The following AGMO variants were observed in gnomAD, a reference collection of about 807,000 sequenced individuals.
The protein encoded by AGMO is glyceryl-ether monooxygenase.
A neutral mutation model predicts 60.2 loss-of-function variants in AGMO; 75 were observed. The observed-to-expected ratio is 1.25, with a 90% CI of 1.03 to 1.51. The LOEUF is 1.51. AGMO is among the 40% of genes most tolerant of loss of function. AGMO has a pLI of 0.00. For missense variants in AGMO, 763 were observed against 525.5 expected, an observed-to-expected ratio of 1.45 and a Z score of -4.42; for synonymous variants, 261 against 177.1, an observed-to-expected ratio of 1.47 and a Z score of -3.76.
At chr7:15,194,495 G>T in the AGMO span, among the ~76,000 whole-genome samples, 1 of 152,054 alleles carries the variant, frequency 6.6e-6, no homozygotes. Context: ...TCCCCTTTGA[G>T]CATGAATATC....
intron 12 of AGMO, among the ~76,000 whole-genome samples, chr7:15,327,159 T>C (rs1351280551): frequency 6.6e-6 from 1 of 152,176 alleles, no homozygotes; most frequent in Non-Finnish European, 1.5e-5. Context: ...ACAGGCATCA[T>C]AACCTGGCTC....
At chr7:15,354,966 C>T (rs10264872) in intron 12 of AGMO, among the ~76,000 whole-genome samples, 147,945 of 152,156 alleles carry the variant, frequency 0.97, 71,951 homozygotes, top group East Asian at 1. Flanking sequence ...GATGAAGTGG[C>T]TTATGCTCAC....
intron 3 of AGMO, among the ~76,000 whole-genome samples, chr7:15,509,707 C>A (rs530953478): frequency 8.1e-4 from 123 of 152,192 alleles, no homozygotes; most frequent in Non-Finnish European, 1.3e-3. Flanking sequence ...AGAAACTACT[C>A]ATCAGTAAAA....
Position 15,384,805 on chromosome 7 carries a change from AC to A in AGMO, c.1074+640del. 2.2e-5 allele frequency among the ~76,000 whole-genome samples: 3 copies of A among 133,594 alleles called. No homozygotes were observed. In the South Asian group the frequency reaches 7.3e-4, roughly 32 times the overall value. The allele number at this position is 133,594 out of a possible 152,430, so 87.6% of individuals were successfully genotyped here. On this transcript the variant is annotated intron_variant, in intron 10 of 12. Coordinates refer to ENST00000342526, the MANE Select transcript of AGMO (RefSeq NM_001004320.2). ...GAATACAAATAAATCTATAAAAAATACCTGTTTTTCTCTTTTTTTTTTTTTT... is the reference window on the plus strand; with the variant it reads ...GAATACAAATAAATCTATAAAAAATACTGTTTTTCTCTTTTTTTTTTTTTT...
chr7:15,399,867 G>A (rs1010844815), intron 5 of AGMO, among the ~76,000 whole-genome samples: 2 of 152,124 alleles, frequency 1.3e-5, no homozygotes, highest in African/African-American at 2.4e-5. Flanking sequence ...CATTCTTTCT[G>A]GATAGTGATT....
chr7:15,440,263 A>T (rs528112861), intron 3 of AGMO, among the ~76,000 whole-genome samples: 1 of 152,316 alleles, frequency 6.6e-6, no homozygotes, highest in Non-Finnish European at 1.5e-5. Context: ...CATTTTGTTG[A>T]GAAAAGGTGC....
chr7:15,317,940 T>TATAC lies in AGMO; in HGVS notation c.1263+47573_1263+47574insGTAT, dbSNP rs1403505058. 1.8e-4 allele frequency among the ~76,000 whole-genome samples: 25 copies of TATAC among 140,504 alleles called. No individual in the cohort carries two copies. The East Asian group carries it at 1.8e-3, about 10-fold the overall frequency. The allele number at this position is 140,504 out of a possible 152,430, so 92.2% of individuals were successfully genotyped here. A position where few individuals can be genotyped will look rare whatever the true frequency, so the allele number is the denominator to read the frequency against. ...ATATACACACACGTATATATATATA[T>TATAC]ACACACACACACACTATATATATAT... On this transcript the variant is annotated intron_variant, in intron 12 of 12. Transcript: ENST00000342526.
chr7:15,306,580 A>AG, intron 12 of AGMO: 1 of 439,254 alleles, frequency 2.3e-6, no homozygotes, highest in Non-Finnish European at 4.6e-6. Flanking sequence ...GTAAAAAAAA[A>AG]AAAGCATTAC....
At chr7:15,445,970 G>A (rs1027547229) in intron 3 of AGMO, among the ~76,000 whole-genome samples, 3 of 152,088 alleles carry the variant, frequency 2.0e-5, no homozygotes, top group Non-Finnish European at 1.5e-5. Context: ...CAATTTCCTT[G>A]GAGTACCATT....
At chr7:15,186,313 A>C in the AGMO span, among the ~76,000 whole-genome samples, 1 of 152,266 alleles carries the variant, frequency 6.6e-6, no homozygotes, top group South Asian at 2.1e-4. Context: ...AGACCACATT[A>C]CTCTTTCAAA....
At chr7:15,375,267 C>T (rs4451207) in intron 10 of AGMO, among the ~76,000 whole-genome samples, 58,093 of 151,768 alleles carry the variant, frequency 0.38, 12,052 homozygotes, top group East Asian at 0.68. Flanking sequence ...CTTTTATTTT[C>T]TTACTAAGAA....
chr7:15,501,191 A>G (rs1237684273), intron 3 of AGMO, among the ~76,000 whole-genome samples: 2 of 152,084 alleles, frequency 1.3e-5, no homozygotes, highest in Admixed American at 6.6e-5. Flanking sequence ...ATAAATGTCT[A>G]TTAGGTCCAT....
intron 12 of AGMO, among the ~76,000 whole-genome samples, chr7:15,271,259 A>C (rs908636857): frequency 1.3e-5 from 2 of 152,204 alleles, no homozygotes; most frequent in Non-Finnish European, 2.9e-5. Context: ...GGCTATGGGC[A>C]GTATGGTCAT....
chr7:15,332,689 G>C (rs1781535486), intron 12 of AGMO, among the ~76,000 whole-genome samples: 1 of 151,990 alleles, frequency 6.6e-6, no homozygotes, highest in African/African-American at 2.4e-5. Context: ...AATGAAGCGA[G>C]AGACCCATGA....
chr7:15,555,691 T>C (rs1785114064), intron 2 of AGMO, among the ~76,000 whole-genome samples: 1 of 152,002 alleles, frequency 6.6e-6, no homozygotes, highest in South Asian at 2.1e-4. Context: ...CATTATTTAC[T>C]TTGCAGGAAA....
In AGMO at chr7:15,407,232, C is replaced by CATATATATATATATATATAATATATAT; in HGVS notation, c.609+11325_609+11326insATATATATTATATATATATATATATAT. 2.3e-5 allele frequency among the ~76,000 whole-genome samples: 3 copies of CATATATATATATATATATAATATATAT among 132,156 alleles called. No homozygotes were observed. In the East Asian group the frequency reaches 6.5e-4, roughly 29 times the overall value. 86.7% of individuals were successfully genotyped at this position (132,156 alleles called of 152,430 possible). ...TTGAAAGGCCCCTTTCTTTGGAATA[C>CATATATATATATATATATAATATATAT]ATATATATATATATATATGTATATA... On this transcript the variant is annotated intron_variant, in intron 5 of 12. Coordinates refer to ENST00000342526, the MANE Select transcript of AGMO (RefSeq NM_001004320.2).
At chr7:15,471,410 C>T (rs1357408469) in intron 3 of AGMO, among the ~76,000 whole-genome samples, 2 of 151,842 alleles carry the variant, frequency 1.3e-5, no homozygotes, top group Non-Finnish European at 2.9e-5. Context: ...TAAGCATATT[C>T]CATTCTCTAT....
rs1290380555 is a variant in AGMO, at chr7:15,375,292, A to C, written c.1075-9070T>G. On this transcript the variant is annotated intron_variant, in intron 10 of 12. Transcript: ENST00000342526. ...CTTACTAAGAAACAAGTGGATCTAC[A>C]AACTAAATACCTTTTCATTATTTTC... Among the ~76,000 whole-genome samples, 3 of 152,190 alleles carry C rather than the reference A, an allele frequency of 2.0e-5. No individual in the cohort carries two copies. In the East Asian group the frequency reaches 5.8e-4, roughly 29 times the overall value.
intron 3 of AGMO, among the ~76,000 whole-genome samples, chr7:15,519,892 G>A (rs1360293987): frequency 6.6e-6 from 1 of 150,768 alleles, no homozygotes; most frequent in Admixed American, 6.6e-5. Context: ...GCCCATTGGT[G>A]TGCTGTATTC....
Sources: gnomAD v4.1 joint callset for allele counts (sites outside exome capture counted in the v4.1 genomes callset) on GRCh38, gnomAD v4.1.1 for gene constraint, MANE v1.5 for transcripts, NCBI Gene and HGNC (gene_info 2026-07-23, HGNC 2026-07-21) for gene names.